Variants in MAN2B1 observed in about 807,000 individuals in gnomAD.
MAN2B1 encodes mannosidase alpha class 2B member 1.
In MAN2B1, 99 loss-of-function variants were observed where a neutral mutation model predicts 127.5. That is an observed-to-expected ratio of 0.78 (90% CI 0.66 to 0.92). The LOEUF (loss-of-function observed/expected upper bound fraction) is 0.92. MAN2B1 is among the 40% of genes least tolerant of loss of function. The pLI, the probability that MAN2B1 is intolerant of heterozygous loss-of-function variation, is 0.00. For missense variants in MAN2B1, 1,304 were observed against 1,384.8 expected, an observed-to-expected ratio of 0.94 and a Z score of 0.93; for synonymous variants, 573 against 568.8, an observed-to-expected ratio of 1.01 and a Z score of -0.11.
rs1375276402 is a variant in MAN2B1 at position 12,649,128 on chromosome 19, C to A, written c.2436+8G>T. The stretch of plus-strand genomic sequence containing the variant: ...ACCCTGGCTCGGATGGGGCTCTGAC[C>A]CACTCACCATGAGCTCCAGCGAGCC... On this transcript the variant is annotated splice_region_variant and intron_variant, in intron 20 of 23. Coordinates refer to ENST00000456935, the MANE Select transcript of MAN2B1 (RefSeq NM_000528.4). The A allele has an allele frequency of 3.7e-6, 6 of 1,611,246 alleles. No individual in the cohort carries two copies. In the Admixed American group the frequency reaches 5.0e-5, roughly 13 times the overall value.
Position 12,650,757 on chromosome 19 carries a change from G to A in MAN2B1, c.2047-535C>T, listed in dbSNP as rs545560743. On this transcript the variant is annotated intron_variant, in intron 16 of 23. Coordinates refer to ENST00000456935, the MANE Select transcript of MAN2B1 (RefSeq NM_000528.4). The stretch of plus-strand genomic sequence containing the variant: ...ACAATCTTGCCTCACTGCAACCTCC[G>A]CCTCCTGGGTTCAAGCAATTCTCCT... Among the ~76,000 whole-genome samples the A allele has an allele frequency of 6.6e-5, 10 of 150,578 alleles. No individual in the cohort carries two copies. In the South Asian group the frequency reaches 1.3e-3, roughly 19 times the overall value.
In MAN2B1 at chr19:12,647,091, C is replaced by T. The variant is rs1272112371; in HGVS notation, c.2923+142G>A. ...CCGCACCCATTTCAGATCCTTTAAG[C>T]CCCTAACCTGGGTCTGGACTCTGCC... On this transcript the variant is annotated intron_variant, in intron 23 of 23. Transcript: ENST00000456935. The surrounding 1 kb of genome is among the most constrained non-coding windows in gnomAD (Gnocchi z 4.9). 9.0e-6 allele frequency: 7 copies of T among 776,040 alleles called. No individual in the cohort carries two copies. The highest frequency in any genetic ancestry group is 1.3e-5 in the Non-Finnish European group (6 of 451,896). 48.1% of individuals were successfully genotyped at this position (776,040 alleles called of 1,614,324 possible). A position where few individuals can be genotyped will look rare whatever the true frequency, so the allele number is the denominator to read the frequency against.
chr19:12,653,618 A>T (rs963654235), intron 14 of MAN2B1, among the ~76,000 whole-genome samples: 1 of 152,062 alleles, frequency 6.6e-6, no homozygotes, highest in African/African-American at 2.4e-5. Context: ...AAAAAAATTT[A>T]AATTTGTTTT....
intron 14 of MAN2B1, among the ~76,000 whole-genome samples, chr19:12,653,283 A>G (rs1042640029): frequency 6.6e-6 from 1 of 151,212 alleles, no homozygotes; most frequent in Non-Finnish European, 1.5e-5. Flanking sequence ...AATAGCTGGG[A>G]CTACAGGCAC....
intron 4 of MAN2B1, 55 bp from the exon 5 acceptor site, chr19:12,663,890 C>G (rs1194691307): frequency 6.2e-7 from 1 of 1,611,396 alleles, no homozygotes; most frequent in Non-Finnish European, 8.5e-7. Context: ...CTCTCACCAC[C>G]AAACTCCCCT....
intron 16 of MAN2B1, among the ~76,000 whole-genome samples, chr19:12,651,528 C>T (rs959798822): frequency 1.3e-5 from 2 of 152,188 alleles, no homozygotes; most frequent in Admixed American, 1.3e-4. Flanking sequence ...TTATTCTAGT[C>T]ACAGTTAATT....
At position 12,648,407 on chromosome 19, in the gene MAN2B1, G is replaced by C. The variant is rs200695002; in HGVS notation, c.2437-5C>G. The C allele has an allele frequency of 1.1e-4, 170 of 1,607,984 alleles. No homozygotes were observed. The East Asian group carries it at 3.4e-3, about 32-fold the overall frequency. Reference sequence around the variant, plus strand: ...CTTCAGCAGCCTTCGGTGCACCTGGGGGGAGAGTGGCCAGGAGGGGGTGAG... The same window carrying C: ...CTTCAGCAGCCTTCGGTGCACCTGGCGGGAGAGTGGCCAGGAGGGGGTGAG... On this transcript the variant is annotated splice_polypyrimidine_tract_variant and splice_region_variant and intron_variant, in intron 20 of 23. Coordinates refer to ENST00000456935, the MANE Select transcript of MAN2B1 (RefSeq NM_000528.4).
chr19:12,661,220 G>A (rs201973778), intron 7 of MAN2B1, 40 bp downstream of exon 7: 219 of 1,413,798 alleles, frequency 1.5e-4, no homozygotes, highest in Middle Eastern at 9.7e-4. Context: ...GGATGCAAGC[G>A]CACATGTGCA....
At chr19:12,646,916 ATACCCTCAATCTGGCCACTGTCCTCG>A (rs1178250257) in intron 23 of MAN2B1, 184 bp from the exon 24 acceptor site, 4 of 621,486 alleles carry the variant, frequency 6.4e-6, no homozygotes, top group Non-Finnish European at 1.2e-5. Context: ...CAATGTCCTC[ATACCCTCAATCTGGCCACTGTCCTCG>A]TACCCTCAAT....
chr19:12,659,649 C>A (rs947430236), intron 7 of MAN2B1, among the ~76,000 whole-genome samples: 1 of 151,676 alleles, frequency 6.6e-6, no homozygotes, highest in African/African-American at 2.4e-5. Flanking sequence ...TGAAACCCTG[C>A]CTCTACTAAA....
At chr19:12,656,050 ACCAGGTGG>A in intron 13 of MAN2B1, 171 bp from the exon 14 acceptor site, 1 of 583,628 alleles carries the variant, frequency 1.7e-6, no homozygotes, top group South Asian at 2.1e-5. Flanking sequence ...GAGAAGATTC[ACCAGGTGG>A]AAAAAAAAAC....
chr19:12,652,910 C>T (rs1033532881), intron 14 of MAN2B1, among the ~76,000 whole-genome samples: 1 of 151,862 alleles, frequency 6.6e-6, no homozygotes, highest in Non-Finnish European at 1.5e-5. Context: ...TCTCTGCTCA[C>T]TACAGCCTCT....
In MAN2B1 at chr19:12,656,949, G is replaced by A. The variant is rs1486751691; in HGVS notation, c.1527C>T (p.Arg509=). 3 of 1,611,994 alleles carry A rather than the reference G, an allele frequency of 1.9e-6. No homozygotes were observed. The highest frequency in any genetic ancestry group is 2.5e-6 in the Non-Finnish European group (3 of 1,178,902). ...ATCCACCCCTCCCGTCCCGGCTCAC[G>A]CGCGCCGCCGTCTGGCTGAGCGGGC... The part of the protein sequence containing the change: ...SICPLSQTAA[R]FQVIVYNPLG... The change falls in exon 12 of 24, where the codon CGC becomes CGT. Residue 509 remains arginine (R), a splice_region_variant and synonymous_variant. Transcript: ENST00000456935.
Position 12,665,365 on chromosome 19 carries a change from G to T in MAN2B1, c.423C>A (p.Asp141Glu). 1 of 1,607,164 alleles carries T rather than the reference G, an allele frequency of 6.2e-7. No individual in the cohort carries two copies. Among genetic ancestry groups the T allele is most frequent in the South Asian group, 1.1e-5 (1 of 91,082 alleles). ...QTNATQEVVR[D>E]LVRQGRLEFA... ...GGGTAGGCTCACCCTGGCGCACAAG[G>T]TCTCGCACGACTTCCTGTGTGGCAT... The change falls in exon 3 of 24, where the codon GAC (aspartate) becomes GAA (glutamate). Residue 141 changes from aspartate (D) to glutamate (E), a missense_variant. Asp to Glu is a conservative substitution (Grantham distance 45). Transcript: ENST00000456935.
rs1478917285 is a variant in MAN2B1, at chr19:12,666,662, C to A, written c.40G>T (p.Gly14Cys). ...YARASGVCAR[G>C]CLDSAGPWTM... ...CAGGGGCCTGCTGAGTCCAGGCAGC[C>A]GCGAGCGCAGACCCCCGAAGCCCGC... is the stretch of plus-strand genomic sequence containing the variant. The change falls in exon 1 of 24, where the codon GGC (glycine) becomes TGC (cysteine). Residue 14 changes from glycine to cysteine, a missense_variant. Transcript: ENST00000456935. The A allele has an allele frequency of 1.3e-6, 2 of 1,552,504 alleles. No homozygotes were observed. The highest frequency in any genetic ancestry group is 2.4e-5 in the East Asian group (1 of 41,222).
chr19:12,654,136 G>A (rs1021922720), intron 14 of MAN2B1, among the ~76,000 whole-genome samples: 7 of 150,552 alleles, frequency 4.6e-5, no homozygotes, highest in South Asian at 2.1e-4. Context: ...TCCGCCTTCC[G>A]GGTTCACGCC....
chr19:12,653,440 C>T (rs1323535257), intron 14 of MAN2B1, among the ~76,000 whole-genome samples: 1 of 152,002 alleles, frequency 6.6e-6, no homozygotes, highest in African/African-American at 2.4e-5. Context: ...AGCCAACACG[C>T]CTGGCCCCTT....
rs750890285 is a variant in MAN2B1, at chr19:12,649,972, C to A, written c.2208G>T (p.Pro736=). The change falls in exon 18 of 24, where the codon CCG becomes CCT. Residue 736 remains proline, a synonymous_variant. Transcript: ENST00000456935. ...GKEVISRFDT[P]LETKGRFYTD... The stretch of plus-strand genomic sequence containing the variant: ...TGTAGAAGCGTCCCTTTGTCTCCAG[C>A]GGTGTGTCAAAACGGCTGATGACCT... 3 of 1,613,932 alleles carry A rather than the reference C, an allele frequency of 1.9e-6. No individual in the cohort carries two copies. The highest frequency in any genetic ancestry group is 2.5e-6 in the Non-Finnish European group (3 of 1,179,980).
rs1485268011 is a variant in MAN2B1 at position 12,657,479 on chromosome 19, C to A, written c.1386G>T (p.Ala462=). ...TSRQHVANDY[A]RQLAAGWGPC... ...GCCCCCAGCCTGCCGCAAGCTGGCG[C>A]GCGTAGTCGTTGGCCACGTGCTGGC... Residue 462 remains alanine (A), a synonymous_variant, in exon 11 of 24, where the codon GCG becomes GCT. Transcript: ENST00000456935. The A allele has an allele frequency of 3.8e-6, 6 of 1,564,536 alleles. No individual in the cohort carries two copies. In the South Asian group the frequency reaches 7.0e-5, roughly 18 times the overall value.
Sources: allele counts gnomAD v4.1 joint callset (sites outside exome capture counted in the v4.1 genomes callset), GRCh38; gene constraint gnomAD v4.1.1; non-coding constraint Gnocchi (gnomAD v3.1); transcripts MANE v1.5; gene names NCBI Gene and HGNC (gene_info 2026-07-23, HGNC 2026-07-21).